The following AP2B1 variants were observed in gnomAD, a reference collection of about 807,000 sequenced individuals.
The protein encoded by AP2B1 is adaptor related protein complex 2 subunit beta 1.
AP2B1 carries 23 observed loss-of-function variants against 102.0 expected under a neutral mutation model. The observed-to-expected ratio is 0.23, with a 90% CI of 0.16 to 0.32. The LOEUF (loss-of-function observed/expected upper bound fraction) is 0.32, where lower values mean the gene tolerates loss of function less well. Among genes scored for constraint, AP2B1 ranks in the 10% least tolerant of loss-of-function variants. AP2B1 has a pLI of 1.00. For missense variants in AP2B1, 541 were observed against 1,157.4 expected (o/e 0.47, Z 7.73); for synonymous variants, 381 against 421.2 (o/e 0.90, Z 1.17).
At chr17:35,629,982 C>T (rs1039069230) in intron 9 of AP2B1, among the ~76,000 whole-genome samples, 1 of 152,168 alleles carries the variant, frequency 6.6e-6, no homozygotes, top group Admixed American at 6.5e-5. Flanking sequence ...CATGTTTGTT[C>T]TTGCTACTTG....
Position 35,610,470 on chromosome 17 carries a change from A to G in AP2B1, c.525+2083A>G, listed in dbSNP as rs556117172. 2.0e-5 allele frequency among the ~76,000 whole-genome samples: 3 copies of G among 152,188 alleles called. No individual in the cohort carries two copies. In the South Asian group the frequency reaches 6.2e-4, roughly 32 times the overall value. ...CCCCCTTTTTAAAAATTACATAAAG[A>G]AATTAGTTGGCTAGGCATGTTGGCT... On this transcript the variant is annotated intron_variant, in intron 5 of 21. Coordinates refer to ENST00000610402, the MANE Select transcript of AP2B1 (RefSeq NM_001030006.2).
At chr17:35,694,665 C>T (rs1171851094) in intron 18 of AP2B1, among the ~76,000 whole-genome samples, 1 of 152,104 alleles carries the variant, frequency 6.6e-6, no homozygotes, top group Non-Finnish European at 1.5e-5. Context: ...CACTTGAGGT[C>T]AGGAGTTCGA....
chr17:35,676,928 T>C (rs2075715506), intron 17 of AP2B1, among the ~76,000 whole-genome samples: 1 of 152,198 alleles, frequency 6.6e-6, no homozygotes, highest in Non-Finnish European at 1.5e-5. Context: ...GCAAATATTT[T>C]TTCCCAGTCC....
At chr17:35,694,861 G>A (rs1490660876) in intron 18 of AP2B1, among the ~76,000 whole-genome samples, 1 of 152,058 alleles carries the variant, frequency 6.6e-6, no homozygotes, top group Non-Finnish European at 1.5e-5. Flanking sequence ...CCAGCCTGGG[G>A]AACAGAGCAA....
intron 14 of AP2B1, among the ~76,000 whole-genome samples, chr17:35,667,990 T>C (rs1433750126): frequency 6.8e-6 from 1 of 146,686 alleles, no homozygotes; most frequent in Non-Finnish European, 1.5e-5. Flanking sequence ...CAGGCTGTAG[T>C]GCAATGGCAT....
At position 35,723,809 on chromosome 17, in the gene AP2B1, A is replaced by G. The variant is rs587671335; in HGVS notation, c.*110A>G. On this transcript the variant is annotated 3_prime_UTR_variant, in exon 22 of 22. Coordinates refer to ENST00000610402, the MANE Select transcript of AP2B1 (RefSeq NM_001030006.2). ...GAATCTGAACACACTGAGGCCACCT[A>G]GCAAGGTAGTAACTAGTCTAACCTG... The G allele has an allele frequency of 1.7e-4, 130 of 781,262 alleles. No homozygotes were observed. The African/African-American group carries it at 2.0e-3, about 12-fold the overall frequency. The allele number at this position is 781,262 out of a possible 1,614,324, so 48.4% of individuals were successfully genotyped here. A position where few individuals can be genotyped will look rare whatever the true frequency, so the allele number is the denominator to read the frequency against.
intron 11 of AP2B1, among the ~76,000 whole-genome samples, chr17:35,640,901 T>G (rs1225790239): frequency 6.6e-6 from 1 of 152,230 alleles, no homozygotes; most frequent in Non-Finnish European, 1.5e-5. Flanking sequence ...TTGAAAAGAT[T>G]ATCTTTGGAT....
intron 18 of AP2B1, among the ~76,000 whole-genome samples, chr17:35,698,353 A>G (rs1856092663): frequency 6.6e-6 from 1 of 152,110 alleles, no homozygotes; most frequent in Non-Finnish European, 1.5e-5. Flanking sequence ...ACTGTCTCCC[A>G]GGCAGGAGTG....
intron 18 of AP2B1, among the ~76,000 whole-genome samples, chr17:35,694,228 C>A (rs1428826931): frequency 6.6e-6 from 1 of 151,954 alleles, no homozygotes; most frequent in Non-Finnish European, 1.5e-5. Flanking sequence ...TGATTCAATA[C>A]AGTATGTATT....
At chr17:35,672,587 C>T (rs2075611945) in intron 16 of AP2B1, among the ~76,000 whole-genome samples, 1 of 152,194 alleles carries the variant, frequency 6.6e-6, no homozygotes, top group Admixed American at 6.5e-5. Flanking sequence ...GAGATGTAGA[C>T]CAGTTGTCCA....
At chr17:35,655,571 G>T (rs938280977) in intron 13 of AP2B1, among the ~76,000 whole-genome samples, 4 of 152,062 alleles carry the variant, frequency 2.6e-5, no homozygotes, top group Admixed American at 6.6e-5. Flanking sequence ...TTGCACCTTT[G>T]GGTTATTTCT....
chr17:35,599,868 C>T (rs552771869), intron 3 of AP2B1, among the ~76,000 whole-genome samples: 3 of 151,818 alleles, frequency 2.0e-5, no homozygotes, highest in African/African-American at 7.3e-5. Flanking sequence ...CAGGATTGTG[C>T]CACTGCACTC....
At chr17:35,721,152 T>G (rs781974948) in intron 21 of AP2B1, among the ~76,000 whole-genome samples, 1 of 152,198 alleles carries the variant, frequency 6.6e-6, no homozygotes, top group Non-Finnish European at 1.5e-5. Flanking sequence ...CCCCAGTTTT[T>G]ATTGTATTTT....
intron 13 of AP2B1, among the ~76,000 whole-genome samples, chr17:35,656,400 A>G (rs1177040407): frequency 6.6e-6 from 1 of 151,970 alleles, no homozygotes; most frequent in African/African-American, 2.4e-5. Flanking sequence ...TTTTATTTTT[A>G]TTGCCTGTTG....
intron 21 of AP2B1, among the ~76,000 whole-genome samples, chr17:35,723,263 T>C (rs781868161): frequency 3.3e-5 from 5 of 152,230 alleles, no homozygotes; most frequent in South Asian, 2.1e-4. Flanking sequence ...GAAAGGACCA[T>C]CAACAAGTTA....
chr17:35,604,408 TTTTTTG>T (rs2073593965), intron 3 of AP2B1, among the ~76,000 whole-genome samples: 3 of 152,200 alleles, frequency 2.0e-5, no homozygotes, highest in African/African-American at 7.2e-5. Context: ...TGGGCCTGGC[TTTTTTG>T]TTTTTGTTTT....
intron 6 of AP2B1, among the ~76,000 whole-genome samples, chr17:35,625,400 C>T (rs971273410): frequency 1.3e-5 from 2 of 152,204 alleles, no homozygotes; most frequent in Non-Finnish European, 2.9e-5. Context: ...CTAAAGCTCA[C>T]TCTGATAGTT....
intron 9 of AP2B1, among the ~76,000 whole-genome samples, chr17:35,631,099 A>G (rs534852435): frequency 1.2e-4 from 18 of 152,156 alleles, no homozygotes; most frequent in Non-Finnish European, 2.2e-4. Flanking sequence ...AAGCAATCCT[A>G]TGGTGCTATT....
intron 17 of AP2B1, among the ~76,000 whole-genome samples, chr17:35,679,535 C>T (rs2075773031): frequency 6.6e-6 from 1 of 152,032 alleles, no homozygotes; most frequent in African/African-American, 2.4e-5. Context: ...ACTCCTTGTG[C>T]CTGCCTACTG....
Sources: allele counts gnomAD v4.1 joint callset (sites outside exome capture counted in the v4.1 genomes callset), GRCh38; gene constraint gnomAD v4.1.1; transcripts MANE v1.5; gene names NCBI Gene and HGNC (gene_info 2026-07-23, HGNC 2026-07-21).